PABPC4: variants seen among roughly 807,000 people sequenced by gnomAD.
PABPC4 encodes polyadenylate-binding protein 4.
PABPC4 carries 15 observed loss-of-function variants against 74.5 expected under a neutral mutation model. The observed-to-expected ratio is 0.20, with a 90% confidence interval of 0.13 to 0.31. The LOEUF (loss-of-function observed/expected upper bound fraction) is 0.31. PABPC4 is among the 10% of genes least tolerant of loss of function. The pLI, the probability that PABPC4 is intolerant of heterozygous loss-of-function variation, is 1.00. For missense variants in PABPC4, 610 were observed against 853.5 expected (o/e 0.71, Z 3.55); for synonymous variants, 345 against 303.0 (o/e 1.14, Z -1.44).
At position 39,567,761 on chromosome 1, in the gene PABPC4, G is replaced by A; in HGVS notation, c.962C>T (p.Thr321Ile). The change falls in exon 7 of 16, where the codon ACC (threonine) becomes ATC (isoleucine). Residue 321 changes from threonine to isoleucine, a missense_variant. Transcript: ENST00000372858. ...RKEFSPFGSI[T>I]SAKVMLEDGR... ...ATCGCAGTATAATACCTTAGCACTGGTAATTGATCCAAAAGGAGAAAATTC... is the reference window on the plus strand; with the variant it reads ...ATCGCAGTATAATACCTTAGCACTGATAATTGATCCAAAAGGAGAAAATTC... 5 of 1,525,246 alleles carry A rather than the reference G, an allele frequency of 3.3e-6. No individual in the cohort carries two copies. The highest frequency in any genetic ancestry group is 4.5e-6 in the Non-Finnish European group (5 of 1,098,968). The allele number at this position is 1,525,246 out of a possible 1,614,324, so 94.5% of individuals were successfully genotyped here. A position where few individuals can be genotyped will look rare whatever the true frequency, so the allele number is the denominator to read the frequency against.
intron 13 of PABPC4, 32 bp from the exon 14 acceptor site, chr1:39,562,235 T>C (rs201776412): frequency 7.8e-5 from 126 of 1,613,642 alleles, no homozygotes; most frequent in Admixed American, 3.3e-5. Context: ...AAAAAACAAA[T>C]CAAATCCCAG....
intron 8 of PABPC4, 32 bp downstream of exon 8, chr1:39,565,074 T>C (rs765815218): frequency 1.6e-5 from 25 of 1,609,022 alleles, no homozygotes; most frequent in Non-Finnish European, 2.1e-5. Flanking sequence ...GCCGGCAGGT[T>C]CCCAAGAGCT....
In PABPC4 at chr1:39,572,552, C is replaced by G. The variant is rs1645955750; in HGVS notation, c.228G>C (p.Val76=). The change falls in exon 2 of 16, where the codon GTG becomes GTC. Residue 76 remains valine, a synonymous_variant. Transcript: ENST00000372858. ...TGATGCGGATTGGCTTTCCCTTAAT[C>G]ACATCAAAGTTCATGGTGTCCAAAG... The part of the protein sequence containing the change: ...ERALDTMNFD[V]IKGKPIRIMW... 6.2e-7 allele frequency: 1 copy of G among 1,614,016 alleles called. No individual in the cohort carries two copies. The highest frequency in any genetic ancestry group is 1.7e-5 in the Admixed American group (1 of 59,994).
In PABPC4 at chr1:39,575,811, G is replaced by T; in HGVS notation, c.141C>A (p.Ile47=). 1 of 1,609,600 alleles carries T rather than the reference G, an allele frequency of 6.2e-7. No homozygotes were observed. Among genetic ancestry groups the T allele is most frequent in the Non-Finnish European group, 8.5e-7 (1 of 1,178,198 alleles). The change falls in exon 1 of 16, where the codon ATC becomes ATA. Residue 47 remains isoleucine, a synonymous_variant. Coordinates refer to ENST00000372858, the MANE Select transcript of PABPC4 (RefSeq NM_001135653.2). Reference sequence around the variant, plus strand: ...AGGCATAGCCCAGGGAGCGGCGGGTGATCATATCGCGGCAGACCCGGATGG... The same window carrying T: ...AGGCATAGCCCAGGGAGCGGCGGGTTATCATATCGCGGCAGACCCGGATGG... The part of the protein sequence containing the change: ...VLSIRVCRDM[I]TRRSLGYAYV...
At chr1:39,564,348 A>G in intron 10 of PABPC4, 75 bp downstream of exon 10, 1 of 1,545,690 alleles carries the variant, frequency 6.5e-7, no homozygotes, top group African/African-American at 1.4e-5. Flanking sequence ...CAACAAACTG[A>G]CCAACCCAGG....
rs79555286 is a variant in PABPC4 at position 39,568,900 on chromosome 1, T to C, written c.778A>G (p.Ile260Val). The C allele has an allele frequency of 6.7e-5, 108 of 1,613,968 alleles. No individual in the cohort carries two copies. The African/African-American group carries it at 1.2e-3, about 18-fold the overall frequency. ...EMNGKEISGKIIFVGRAQKKV... is the reference protein window; with the variant it reads ...EMNGKEISGKVIFVGRAQKKV... ...TTTTGTGCACGGCCTACAAATATGA[T>C]TTTACCACTTATTTCTTTTCCATTC... The change falls in exon 6 of 16, where the codon ATC becomes GTC. Residue 260 changes from isoleucine (I) to valine (V), a missense_variant. Ile to Val is a conservative substitution (Grantham distance 29). Coordinates refer to ENST00000372858, the MANE Select transcript of PABPC4 (RefSeq NM_001135653.2).
chr1:39,576,000 G>T lies in PABPC4; in HGVS notation c.-49C>A, dbSNP rs531518230. 1.5e-6 allele frequency: 2 copies of T among 1,320,286 alleles called. No individual in the cohort carries two copies. The highest frequency in any genetic ancestry group is 2.0e-6 in the Non-Finnish European group (2 of 992,508). 81.8% of individuals were successfully genotyped at this position (1,320,286 alleles called of 1,614,324 possible). A position where few individuals can be genotyped will look rare whatever the true frequency, so the allele number is the denominator to read the frequency against. Reference sequence around the variant, plus strand: ...GCCCCGCCAGGAGGACTTCTTATCGGGCCCGCCGCAGGACAAAGGGGCGCC... The same window carrying T: ...GCCCCGCCAGGAGGACTTCTTATCGTGCCCGCCGCAGGACAAAGGGGCGCC... On this transcript the variant is annotated 5_prime_UTR_variant, in exon 1 of 16. Coordinates refer to ENST00000372858, the MANE Select transcript of PABPC4 (RefSeq NM_001135653.2).
chr1:39,569,775 G>T, intron 4 of PABPC4, 86 bp from the exon 5 acceptor site: 2 of 1,587,956 alleles, frequency 1.3e-6, no homozygotes, highest in Non-Finnish European at 1.7e-6. Flanking sequence ...CTCACTTGAA[G>T]CAAATCTCTG....
chr1:39,570,662 A>T (rs1405649079), intron 3 of PABPC4: 1 of 156,684 alleles, frequency 6.4e-6, no homozygotes, highest in Non-Finnish European at 1.4e-5. Context: ...TAACAACCAC[A>T]TCAAAGCAAC....
chr1:39,570,991 C>A, intron 3 of PABPC4: 1 of 1,298,924 alleles, frequency 7.7e-7, no homozygotes, highest in South Asian at 1.5e-5. Flanking sequence ...ACAAAACCCA[C>A]AGACAGATGC....
Position 39,568,939 on chromosome 1 carries a change from C to A in PABPC4, c.739G>T (p.Ala247Ser). Reference protein sequence around the residue: ...SYEKHEDANKAVEEMNGKEIS... With the variant: ...SYEKHEDANKSVEEMNGKEIS... ...TCTTTTCCATTCATCTCTTCCACAG[C>A]CTAGAGAGGAAAAATATGTCTTTAA... is the stretch of plus-strand genomic sequence containing the variant. Residue 247 changes from alanine to serine, a missense_variant and splice_region_variant, in exon 6 of 16, where the codon GCT becomes TCT. Ala to Ser is a moderately conservative substitution (Grantham distance 99). Coordinates refer to ENST00000372858, the MANE Select transcript of PABPC4 (RefSeq NM_001135653.2). 1 of 1,607,502 alleles carries A rather than the reference C, an allele frequency of 6.2e-7. No homozygotes were observed. Among genetic ancestry groups the A allele is most frequent in the South Asian group, 1.1e-5 (1 of 89,510 alleles).
At chr1:39,562,274 G>A (rs1418680721) in intron 13 of PABPC4, 49 bp downstream of exon 13, 9 of 1,608,814 alleles carry the variant, frequency 5.6e-6, no homozygotes, top group Non-Finnish European at 6.0e-6. Context: ...GTCCTAGCTG[G>A]CATCAGGCTC....
intron 7 of PABPC4, among the ~76,000 whole-genome samples, chr1:39,565,942 G>T (rs1297183683): frequency 2.0e-5 from 3 of 152,172 alleles, no homozygotes; most frequent in African/African-American, 7.2e-5. Context: ...CCCTGGGTGG[G>T]GAGGGAACTA....
intron 3 of PABPC4, chr1:39,570,407 A>G (rs1645922553): frequency 5.9e-6 from 1 of 169,122 alleles, no homozygotes; most frequent in Non-Finnish European, 1.3e-5. Context: ...TGCTTTTTAA[A>G]TTTATTTATT....
chr1:39,562,214 G>T lies in PABPC4; in HGVS notation c.1763-11C>A, dbSNP rs907615244. 2 of 1,613,924 alleles carry T rather than the reference G, an allele frequency of 1.2e-6. No individual in the cohort carries two copies. The highest frequency in any genetic ancestry group is 4.5e-5 in the East Asian group (2 of 44,902). On this transcript the variant is annotated splice_polypyrimidine_tract_variant and intron_variant, in intron 13 of 15. Transcript: ENST00000372858. Reference sequence around the variant, plus strand: ...GGAACAAGCGTTCTCCTATGGGGAGGATAGTTAATAAAAAAACAAATCAAA... The same window carrying T: ...GGAACAAGCGTTCTCCTATGGGGAGTATAGTTAATAAAAAAACAAATCAAA...
In PABPC4 at chr1:39,575,826, G is replaced by A. The variant is rs1445842824; in HGVS notation, c.126C>T (p.Val42=). ...SPAGPVLSIR[V]CRDMITRRSL... is the part of the protein sequence containing the mutation. Reference sequence around the variant, plus strand: ...AGCGGCGGGTGATCATATCGCGGCAGACCCGGATGGACAGCACAGGCCCCG... The same window carrying A: ...AGCGGCGGGTGATCATATCGCGGCAAACCCGGATGGACAGCACAGGCCCCG... Residue 42 remains valine (V), a synonymous_variant, in exon 1 of 16, where the codon GTC becomes GTT. Transcript: ENST00000372858. The A allele has an allele frequency of 9.3e-6, 15 of 1,611,514 alleles. No homozygotes were observed. The highest frequency in any genetic ancestry group is 1.7e-4 in the Middle Eastern group (1 of 6,056).
intron 5 of PABPC4, among the ~76,000 whole-genome samples, chr1:39,569,182 G>A (rs573979970): frequency 4.6e-5 from 7 of 152,206 alleles, no homozygotes; most frequent in Non-Finnish European, 8.8e-5. Context: ...GCTGACATGA[G>A]CCTAGGGCGA....
intron 3 of PABPC4, 88 bp from the exon 4 acceptor site, chr1:39,570,090 C>G: frequency 7.5e-7 from 1 of 1,333,792 alleles, no homozygotes; most frequent in Non-Finnish European, 1.0e-6. Context: ...TAAAGACTGA[C>G]AGGAGAGGTT....
In PABPC4 at chr1:39,569,915, G is replaced by C. The variant is rs144898182; in HGVS notation, c.591C>G (p.Asn197Lys). 6.2e-7 allele frequency: 1 copy of C among 1,614,052 alleles called. No individual in the cohort carries two copies. Among genetic ancestry groups the C allele is most frequent in the Non-Finnish European group, 8.5e-7 (1 of 1,180,018 alleles). ...AKEFTNVYIKNFGEEVDDESL... is the reference protein window; with the variant it reads ...AKEFTNVYIKKFGEEVDDESL... ...TCTCATCATCCACCTCTTCCCCAAA[G>C]TTTTTGATATAAACATTGGTGAATT... The change falls in exon 4 of 16, where the codon AAC (asparagine) becomes AAG (lysine). Residue 197 changes from asparagine to lysine, a missense_variant. Asn to Lys is a moderately conservative substitution (Grantham distance 94, BLOSUM62 0). Transcript: ENST00000372858.
Sources: gnomAD v4.1 joint callset for allele counts (sites outside exome capture counted in the v4.1 genomes callset) on GRCh38, gnomAD v4.1.1 for gene constraint, MANE v1.5 for transcripts, NCBI Gene and HGNC (gene_info 2026-07-23, HGNC 2026-07-21) for gene names.